The following USP15 variants were observed in gnomAD, a reference collection of about 807,000 sequenced individuals.
USP15 encodes ubiquitin specific peptidase 15.
Under a neutral mutation model 127.1 loss-of-function variants are expected in USP15, and 18 were observed. That is an observed-to-expected ratio of 0.14 (90% confidence interval 0.10 to 0.21). The LOEUF (loss-of-function observed/expected upper bound fraction) is 0.21, where lower values mean the gene tolerates loss of function less well. USP15 is among the 10% of genes least tolerant of loss of function. USP15 has a pLI of 1.00. For synonymous variants in USP15, 364 were observed against 393.7 expected, an observed-to-expected ratio of 0.92 and a Z score of 0.89; for missense variants, 805 against 1,159.9, an observed-to-expected ratio of 0.69 and a Z score of 4.44.
chr12:62,370,120 G>A (rs1308939810), intron 8 of USP15, among the ~76,000 whole-genome samples: 6 of 152,082 alleles, frequency 3.9e-5, no homozygotes, highest in Admixed American at 1.3e-4. Flanking sequence ...GACCACAAGC[G>A]TGCACCACCA....
chr12:62,269,593 AT>A (rs927055543), intron 1 of USP15, among the ~76,000 whole-genome samples: 2 of 151,420 alleles, frequency 1.3e-5, no homozygotes, highest in African/African-American at 4.9e-5. Flanking sequence ...TTTTATTTTT[AT>A]TTTTTTGTAG....
At chr12:62,310,720 C>T (rs1227407234) in intron 3 of USP15, among the ~76,000 whole-genome samples, 1 of 151,794 alleles carries the variant, frequency 6.6e-6, no homozygotes, top group African/African-American at 2.4e-5. Flanking sequence ...CATATACTGA[C>T]TTCTTTTCCT....
At chr12:62,353,209 A>G (rs914076284) in intron 7 of USP15, among the ~76,000 whole-genome samples, 6 of 152,088 alleles carry the variant, frequency 3.9e-5, no homozygotes, top group Non-Finnish European at 7.4e-5. Flanking sequence ...GAGCATCTAG[A>G]CTATCTCAAT....
At position 62,390,851 on chromosome 12, in the gene USP15, G is replaced by T. The variant is rs183789286; in HGVS notation, c.1845-13G>T. 137 of 1,583,256 alleles carry T rather than the reference G, an allele frequency of 8.7e-5. No homozygotes were observed. The East Asian group carries it at 2.1e-3, about 25-fold the overall frequency. On this transcript the variant is annotated splice_polypyrimidine_tract_variant and intron_variant, in intron 14 of 21. Transcript: ENST00000280377. ...GTAGTACTGAACTTGTTTGATTTTT[G>T]ATTTTACTTAAGCCGATATGTCAAA...
intron 6 of USP15, among the ~76,000 whole-genome samples, chr12:62,346,977 A>G (rs2065837841): frequency 6.6e-6 from 1 of 152,076 alleles, no homozygotes; most frequent in Non-Finnish European, 1.5e-5. Flanking sequence ...AAATCACCTT[A>G]TGTCACCACC....
Position 62,390,947 on chromosome 12 carries a change from G to A in USP15, c.1928G>A (p.Gly643Asp). The change falls in exon 15 of 22, where the codon GGC becomes GAC. Residue 643 changes from glycine (G) to aspartate (D), a missense_variant. Gly to Asp is a moderately conservative substitution (Grantham distance 94). Around this residue, in one of 11 missense-constraint regions of USP15, gnomAD observed 225 missense variants for 239.5 expected, o/e 0.94. Transcript: ENST00000280377. ...CCKDQNINGN[G>D]PNGIHEEGSP... ...AAGGACCAAAATATTAATGGGAATG[G>A]CCCAAATGGCATACATGAAGAAGGC... The A allele has an allele frequency of 3.1e-6, 5 of 1,612,734 alleles. No homozygotes were observed. Among genetic ancestry groups the A allele is most frequent in the South Asian group, 1.1e-5 (1 of 90,896 alleles).
intron 8 of USP15, among the ~76,000 whole-genome samples, chr12:62,378,766 A>G (rs945812419): frequency 6.6e-6 from 1 of 152,174 alleles, no homozygotes; most frequent in Non-Finnish European, 1.5e-5. Context: ...TATTTTTGAG[A>G]TTATTCTTTA....
chr12:62,287,693 A>C (rs867264932), intron 1 of USP15, among the ~76,000 whole-genome samples: 10 of 151,982 alleles, frequency 6.6e-5, no homozygotes, highest in African/African-American at 2.2e-4. Context: ...ACTTTTATAA[A>C]AGTTTCAAGA....
chr12:62,285,615 T>G (rs748041349), intron 1 of USP15, among the ~76,000 whole-genome samples: 4 of 152,164 alleles, frequency 2.6e-5, no homozygotes, highest in Non-Finnish European at 5.9e-5. Flanking sequence ...TTCTTTTTTA[T>G]GGCTGAGTAG....
At chr12:62,369,821 G>T (rs1283418954) in intron 8 of USP15, among the ~76,000 whole-genome samples, 2 of 152,118 alleles carry the variant, frequency 1.3e-5, no homozygotes, top group African/African-American at 4.8e-5. Flanking sequence ...AATATTAATA[G>T]TAGAATGAAA....
At chr12:62,384,327 G>GTTTTTTTTTT (rs58138194) in intron 11 of USP15, 25 bp downstream of exon 11, 154 of 1,057,574 alleles carry the variant, frequency 1.5e-4, no homozygotes, top group South Asian at 4.4e-4. Context: ...GGTTTGTTTT[G>GTTTTTTTTTT]TTTTTTTTTT....
At chr12:62,357,122 G>A (rs2066156191) in intron 8 of USP15, among the ~76,000 whole-genome samples, 1 of 151,830 alleles carries the variant, frequency 6.6e-6, no homozygotes, top group Non-Finnish European at 1.5e-5. Flanking sequence ...CAACAACATA[G>A]GGATTCAAAA....
rs182660866 is a variant in USP15 at position 62,294,394 on chromosome 12, G to A, written c.217+88G>A. 144 of 1,445,886 alleles carry A rather than the reference G, an allele frequency of 1.0e-4. 1 individual carries two copies. Among genetic ancestry groups the A allele is most frequent in the South Asian group, 1.9e-4 (14 of 73,424 alleles). The allele number at this position is 1,445,886 out of a possible 1,614,324, so 89.6% of individuals were successfully genotyped here. A position where few individuals can be genotyped will look rare whatever the true frequency, so the allele number is the denominator to read the frequency against. On this transcript the variant is annotated intron_variant, in intron 2 of 21. Transcript: ENST00000280377. ...TGGGTTGAATTTGGAAAATGTTAGC[G>A]CAAATAAGTTGATAAAGTTTTGCAT...
chr12:62,377,517 C>A (rs1227945298), intron 8 of USP15, among the ~76,000 whole-genome samples: 4 of 151,028 alleles, frequency 2.6e-5, no homozygotes, highest in African/African-American at 4.9e-5. Context: ...GTCAGGAGTT[C>A]AAGACCAGCC....
intron 5 of USP15, among the ~76,000 whole-genome samples, chr12:62,324,032 A>G (rs958973087): frequency 2.0e-5 from 3 of 151,772 alleles, no homozygotes; most frequent in African/African-American, 7.3e-5. Flanking sequence ...GATTGAAAGT[A>G]TCCTTACTAG....
At chr12:62,392,230 T>G in intron 17 of USP15, 42 bp from the exon 18 acceptor site, 1 of 1,321,332 alleles carries the variant, frequency 7.6e-7, no homozygotes, top group Non-Finnish European at 1.1e-6. Context: ...AAATGAGTTT[T>G]GTTTCATTTG....
intron 8 of USP15, 47 bp from the exon 9 acceptor site, chr12:62,381,443 A>T (rs1231974352): frequency 1.3e-6 from 2 of 1,494,980 alleles, no homozygotes; most frequent in Non-Finnish European, 1.8e-6. Context: ...TTTAAGAAAA[A>T]TTCATTATGA....
At chr12:62,365,106 A>G (rs1210249641) in intron 8 of USP15, among the ~76,000 whole-genome samples, 4 of 152,116 alleles carry the variant, frequency 2.6e-5, no homozygotes, top group Non-Finnish European at 4.4e-5. Context: ...TGGTATTTCT[A>G]GTTCTAGATC....
In USP15 at chr12:62,392,335, G is replaced by T; in HGVS notation, c.2368G>T (p.Asp790Tyr). Residue 790 changes from aspartate to tyrosine, a missense_variant, in exon 18 of 22, where the codon GAT becomes TAT. Asp to Tyr is a radical substitution (Grantham distance 160). Around this residue, in one of 11 missense-constraint regions of USP15, gnomAD observed 24 missense variants for 71.5 expected, o/e 0.34. Transcript: ENST00000280377. ...PPKKPFVKLK[D>Y]CIELFTTKEK... ...TAAAAAACCCTTTGTGAAATTAAAA[G>T]ATTGCATTGAACTTTTTACAACAAA... 6.2e-7 allele frequency: 1 copy of T among 1,607,618 alleles called. No homozygotes were observed. The highest frequency in any genetic ancestry group is 2.2e-5 in the East Asian group (1 of 44,610).
Sources: gnomAD v4.1 joint callset for allele counts (sites outside exome capture counted in the v4.1 genomes callset) on GRCh38, gnomAD v4.1.1 for gene constraint, gnomAD v4.1.1 regional missense constraint, MANE v1.5 for transcripts, NCBI Gene and HGNC (gene_info 2026-07-23, HGNC 2026-07-21) for gene names.